MLLT3: variants seen among roughly 807,000 people sequenced by gnomAD.
The protein encoded by MLLT3 is MLLT3 super elongation complex subunit.
A neutral mutation model predicts 53.2 loss-of-function variants in MLLT3; 4 were observed. The ratio of observed to expected loss-of-function variants is 0.08; its 90% CI spans 0.04 to 0.17. MLLT3 has a LOEUF of 0.17. MLLT3 is among the 10% of genes least tolerant of loss of function. The pLI, the probability that MLLT3 is intolerant of heterozygous loss-of-function variation, is 1.00. For missense variants in MLLT3, 569 were observed against 684.0 expected, an observed-to-expected ratio of 0.83 and a Z score of 1.87; for synonymous variants, 283 against 230.6, an observed-to-expected ratio of 1.23 and a Z score of -2.06.
chr9:20,593,195 A>G (rs975937760), intron 2 of MLLT3, among the ~76,000 whole-genome samples: 1 of 152,234 alleles, frequency 6.6e-6, no homozygotes, highest in African/African-American at 2.4e-5. Context: ...TTAAATGGCC[A>G]TAAACGTCTG....
chr9:20,547,379 C>T (rs905857875), intron 2 of MLLT3, among the ~76,000 whole-genome samples: 1 of 151,918 alleles, frequency 6.6e-6, no homozygotes, highest in African/African-American at 2.4e-5. Context: ...CATGGTGGCT[C>T]ACGCCTGTAA....
intron 2 of MLLT3, among the ~76,000 whole-genome samples, chr9:20,484,565 C>T (rs1178386419): frequency 6.6e-6 from 1 of 152,034 alleles, no homozygotes; most frequent in African/African-American, 2.4e-5. Context: ...TAAACTTAAC[C>T]CAAAAATTAC....
At chr9:20,467,504 G>A (rs933819731) in intron 2 of MLLT3, among the ~76,000 whole-genome samples, 4 of 152,186 alleles carry the variant, frequency 2.6e-5, no homozygotes, top group Admixed American at 2.0e-4. Flanking sequence ...CTTGAACTCG[G>A]GAGGCGGAGG....
chr9:20,379,572 T>G (rs138366835), intron 5 of MLLT3, among the ~76,000 whole-genome samples: 397 of 152,232 alleles, frequency 2.6e-3, no homozygotes, highest in African/African-American at 8.7e-3. Flanking sequence ...AATATAGACT[T>G]AACATTCCTC....
chr9:20,417,582 T>C (rs971816235), intron 4 of MLLT3, among the ~76,000 whole-genome samples: 4 of 151,898 alleles, frequency 2.6e-5, no homozygotes, highest in Non-Finnish European at 4.4e-5. Context: ...TATCAAGCAA[T>C]CTAACACAGA....
chr9:20,375,656 G>A (rs961092712), intron 5 of MLLT3, among the ~76,000 whole-genome samples: 10 of 143,984 alleles, frequency 6.9e-5, no homozygotes, highest in Non-Finnish European at 1.5e-4. Flanking sequence ...CACCCAGGCT[G>A]GAGTGCAGTG....
chr9:20,382,983 CA>C (rs1297531159), intron 5 of MLLT3, among the ~76,000 whole-genome samples: 1 of 151,946 alleles, frequency 6.6e-6, no homozygotes, highest in East Asian at 1.9e-4. Context: ...TATAGAGGAT[CA>C]CATTTTCTTG....
chr9:20,342,554 TAC>T lies in MLLT3; in HGVS notation c.*3887_*3888del, dbSNP rs1193148427. 4.5e-6 allele frequency: 1 copy of T among 221,626 alleles called. No individual in the cohort carries two copies. The highest frequency in any genetic ancestry group is 6.6e-5 in the East Asian group (1 of 15,246). The allele number at this position is 221,626 out of a possible 1,614,324, so 13.7% of individuals were successfully genotyped here. ...GAATACTGGAGTACAAGTGCCAAAA[TAC>T]ACATTTACAGTTTACAGACAGCGGT... is the stretch of plus-strand genomic sequence containing the variant. On this transcript the variant is annotated 3_prime_UTR_variant, in exon 11 of 11. Transcript: ENST00000380338.
chr9:20,609,704 A>T (rs955193539), intron 2 of MLLT3, among the ~76,000 whole-genome samples: 2 of 152,138 alleles, frequency 1.3e-5, no homozygotes, highest in African/African-American at 4.8e-5. Flanking sequence ...AATGGCACCG[A>T]TATGATCAGA....
At chr9:20,367,717 T>C (rs1327758224) in intron 5 of MLLT3, among the ~76,000 whole-genome samples, 3 of 152,236 alleles carry the variant, frequency 2.0e-5, no homozygotes, top group Admixed American at 6.5e-5. Flanking sequence ...TTTGAGAATA[T>C]TTGTGGTTTC....
intron 2 of MLLT3, among the ~76,000 whole-genome samples, chr9:20,585,235 G>C (rs1290418044): frequency 6.6e-6 from 1 of 152,250 alleles, no homozygotes; most frequent in East Asian, 1.9e-4. Flanking sequence ...AAACAACCGG[G>C]GGGCAGGCAG....
intron 2 of MLLT3, among the ~76,000 whole-genome samples, chr9:20,503,525 C>T (rs1236946549): frequency 6.6e-6 from 1 of 152,132 alleles, no homozygotes. Context: ...TTACTTCATA[C>T]TAAATATAAA....
At chr9:20,371,206 G>A (rs1205818482) in intron 5 of MLLT3, among the ~76,000 whole-genome samples, 3 of 152,334 alleles carry the variant, frequency 2.0e-5, no homozygotes, top group Admixed American at 1.3e-4. Flanking sequence ...AGCCATCTCT[G>A]TAACATAAAA....
chr9:20,405,484 G>C (rs916169117), intron 5 of MLLT3, among the ~76,000 whole-genome samples: 2 of 152,142 alleles, frequency 1.3e-5, no homozygotes, highest in Non-Finnish European at 2.9e-5. Flanking sequence ...AATCATCAGT[G>C]GTACAATACA....
intron 10 of MLLT3, among the ~76,000 whole-genome samples, chr9:20,347,251 G>A (rs1820900598): frequency 6.6e-6 from 1 of 152,050 alleles, no homozygotes; most frequent in Non-Finnish European, 1.5e-5. Flanking sequence ...GTATCTACCT[G>A]AATGCTTTGT....
chr9:20,401,690 C>A (rs1181251010), intron 5 of MLLT3, among the ~76,000 whole-genome samples: 4 of 152,170 alleles, frequency 2.6e-5, no homozygotes, highest in Non-Finnish European at 5.9e-5. Context: ...ATGAACTTCC[C>A]TGTAATTCCC....
chr9:20,429,170 C>G (rs886344617), intron 4 of MLLT3, among the ~76,000 whole-genome samples: 6 of 152,062 alleles, frequency 3.9e-5, no homozygotes, highest in Non-Finnish European at 8.8e-5. Flanking sequence ...AAGTTCAAGA[C>G]CAGCCTGGGC....
At chr9:20,597,504 A>C (rs1820304953) in intron 2 of MLLT3, among the ~76,000 whole-genome samples, 1 of 152,172 alleles carries the variant, frequency 6.6e-6, no homozygotes. Flanking sequence ...ATTTACCTTC[A>C]TATACTGTTA....
In MLLT3 at chr9:20,354,863, C is replaced by T. The variant is rs751061523; in HGVS notation, c.1448G>A (p.Ser483Asn). ...TNNNQILEVK[S>N]PIKQSKSDKQ... Reference sequence around the variant, plus strand: ...ATCTGATTTGCTTTGCTTTATTGGACTTTTCACTTCAAGAATCTAGGGATC... The same window carrying T: ...ATCTGATTTGCTTTGCTTTATTGGATTTTTCACTTCAAGAATCTAGGGATC... Residue 483 changes from serine to asparagine, a missense_variant, in exon 9 of 11, where the codon AGT (serine) becomes AAT (asparagine). By Grantham distance (46) the Ser-to-Asn change is conservative. Coordinates refer to ENST00000380338, the MANE Select transcript of MLLT3 (RefSeq NM_004529.4). The T allele has an allele frequency of 1.2e-6, 2 of 1,612,280 alleles. No homozygotes were observed. Among genetic ancestry groups the T allele is most frequent in the Non-Finnish European group, 1.7e-6 (2 of 1,178,598 alleles).
Sources: allele counts gnomAD v4.1 joint callset (sites outside exome capture counted in the v4.1 genomes callset), GRCh38; gene constraint gnomAD v4.1.1; transcripts MANE v1.5; gene names NCBI Gene and HGNC (gene_info 2026-07-23, HGNC 2026-07-21).